The following CNNM2 variants were observed in gnomAD, a reference collection of about 807,000 sequenced individuals.
CNNM2 encodes metal transporter CNNM2.
CNNM2 carries 12 observed loss-of-function variants against 66.9 expected under a neutral mutation model. The observed-to-expected ratio is 0.18, with a 90% CI of 0.11 to 0.29. The LOEUF is 0.29. Ranked by LOEUF, CNNM2 falls within the 10% of genes least tolerant of loss-of-function variation. The pLI, the probability that CNNM2 is intolerant of heterozygous loss-of-function variation, is 1.00. For synonymous variants in CNNM2, 557 were observed against 501.8 expected (o/e 1.11, Z -1.47); for missense variants, 705 against 1,167.7 (o/e 0.60, Z 5.77).
chr10:102,930,333 G>C (rs1047579642), intron 1 of CNNM2, among the ~76,000 whole-genome samples: 2 of 152,118 alleles, frequency 1.3e-5, no homozygotes, highest in Admixed American at 6.5e-5. Context: ...GAAAATAGTT[G>C]ATGTATTAGG....
intron 4 of CNNM2, among the ~76,000 whole-genome samples, chr10:103,059,959 G>GAT (rs2065356853): frequency 6.6e-6 from 1 of 151,968 alleles, no homozygotes; most frequent in Admixed American, 6.6e-5. Context: ...TACAGAGCAA[G>GAT]ATCCCCTTCT....
In CNNM2 at chr10:103,054,348, G is replaced by A; in HGVS notation, c.1785G>A (p.Lys595=). 7 of 1,613,676 alleles carry A rather than the reference G, an allele frequency of 4.3e-6. No homozygotes were observed. Among genetic ancestry groups the A allele is most frequent in the Non-Finnish European group, 5.9e-6 (7 of 1,179,790 alleles). ...TDLYTDNRTK[K]KVAHRERKQD... ...CCTTAGCTGACAACAGAACGAAAAA[G>A]AAAGTGGCTCACCGGGAACGAAAGC... Residue 595 remains lysine (K), a synonymous_variant, in exon 3 of 8, where the codon AAG becomes AAA. Coordinates refer to ENST00000369878, the MANE Select transcript of CNNM2 (RefSeq NM_017649.5). The surrounding 1 kb of genome is among the most constrained non-coding windows in gnomAD (Gnocchi z 5.2).
intron 1 of CNNM2, among the ~76,000 whole-genome samples, chr10:102,922,601 T>C (rs1845689466): frequency 6.6e-6 from 1 of 152,134 alleles, no homozygotes; most frequent in South Asian, 2.1e-4. Flanking sequence ...CAATACCAAT[T>C]GTAACTCCCC....
chr10:102,931,842 T>C (rs542634708), intron 1 of CNNM2, among the ~76,000 whole-genome samples: 17 of 149,412 alleles, frequency 1.1e-4, no homozygotes, highest in African/African-American at 4.0e-4. Context: ...GCACTTGTTA[T>C]TGTTAAAAAA....
Position 102,976,425 on chromosome 10 carries a change from CTTTTTTTTTTTT to C in CNNM2, c.1621+56339_1621+56350del, listed in dbSNP as rs1206577839. Among the ~76,000 whole-genome samples the C allele has an allele frequency of 2.4e-3, 83 of 34,724 alleles. 1 individual carries two copies. Among genetic ancestry groups the C allele is most frequent in the Admixed American group, 0.018 (38 of 2,138 alleles). The allele number at this position is 34,724 out of a possible 152,430, so 22.8% of individuals were successfully genotyped here. ...TTACAGTATCAGTTCCAATTCTTGCCTTTTTTTTTTTTTTTTTTTTTTTTTTGAGATGGAATC... is the reference window on the plus strand; with the variant it reads ...TTACAGTATCAGTTCCAATTCTTGCCTTTTTTTTTTTTTTGAGATGGAATC... On this transcript the variant is annotated intron_variant, in intron 1 of 7. Transcript: ENST00000369878.
chr10:103,069,158 T>C (rs2065531111), intron 5 of CNNM2, among the ~76,000 whole-genome samples: 1 of 152,252 alleles, frequency 6.6e-6, no homozygotes, highest in Non-Finnish European at 1.5e-5. Context: ...GATCACACTA[T>C]TTCCTCTTGC....
intron 1 of CNNM2, among the ~76,000 whole-genome samples, chr10:103,008,778 C>CAAAA (rs35992147): frequency 1.3e-4 from 14 of 105,648 alleles, no homozygotes; most frequent in Non-Finnish European, 1.4e-4. Flanking sequence ...GACCCTGTCT[C>CAAAA]AAAAAAAAAA....
intron 5 of CNNM2, among the ~76,000 whole-genome samples, chr10:103,070,663 G>A (rs1383589537): frequency 6.6e-6 from 1 of 152,214 alleles, no homozygotes; most frequent in Non-Finnish European, 1.5e-5. Context: ...AGAGGATGTG[G>A]TGAGCAGCCC....
At chr10:102,987,420 A>G (rs1222084508) in intron 1 of CNNM2, among the ~76,000 whole-genome samples, 1 of 152,126 alleles carries the variant, frequency 6.6e-6, no homozygotes, top group Non-Finnish European at 1.5e-5. Flanking sequence ...TCCCAGGTTC[A>G]CGCCATTCTC....
At chr10:102,989,908 T>C (rs996483240) in intron 1 of CNNM2, among the ~76,000 whole-genome samples, 6 of 152,056 alleles carry the variant, frequency 3.9e-5, no homozygotes, top group African/African-American at 1.4e-4. Flanking sequence ...AGGTATAATA[T>C]AATAATTATA....
chr10:103,071,784 C>T lies in CNNM2; in HGVS notation c.2178C>T (p.Ser726=), dbSNP rs868268140. 2 of 1,613,734 alleles carry T rather than the reference C, an allele frequency of 1.2e-6. No homozygotes were observed. Among genetic ancestry groups the T allele is most frequent in the Non-Finnish European group, 8.5e-7 (1 of 1,179,824 alleles). ...MALTASPVPL[S]LSRTFVVSRT... ...TTCTCCATTTTTCAGTTCCTTTGTC[C>T]CTGTCTCGTACCTTTGTTGTCAGCA... The change falls in exon 6 of 8, where the codon TCC becomes TCT. Residue 726 remains serine (S), a synonymous_variant. Transcript: ENST00000369878.
chr10:102,927,674 A>G, intron 1 of CNNM2: 1 of 382,100 alleles, frequency 2.6e-6, no homozygotes, highest in Non-Finnish European at 4.8e-6. Context: ...CTGAGACAGG[A>G]GAATCACTTG....
chr10:103,027,255 G>A (rs963913693), intron 1 of CNNM2: 12 of 152,342 alleles, frequency 7.9e-5, no homozygotes, highest in African/African-American at 2.4e-4. Flanking sequence ...CTGCAATGGC[G>A]CTCTGCCCAA....
chr10:102,963,969 AAAG>A (rs1260445777), intron 1 of CNNM2, among the ~76,000 whole-genome samples: 37 of 152,338 alleles, frequency 2.4e-4, no homozygotes, highest in African/African-American at 8.4e-4. Flanking sequence ...GGACTGAAAA[AAAG>A]AGAAACAAAT....
Position 103,042,673 on chromosome 10 carries a change from G to A in CNNM2, c.1622-7034G>A, listed in dbSNP as rs957640324. 6.6e-6 allele frequency among the ~76,000 whole-genome samples: 1 copy of A among 152,040 alleles called. No individual in the cohort carries two copies. Among genetic ancestry groups the A allele is most frequent in the Non-Finnish European group, 1.5e-5 (1 of 68,002 alleles). On this transcript the variant is annotated intron_variant, in intron 1 of 7. Coordinates refer to ENST00000369878, the MANE Select transcript of CNNM2 (RefSeq NM_017649.5). Reference sequence around the variant, plus strand: ...ATTGTTCATAGTTCATTCATAGCCCGGATTTTATGGCTTATATATTATGTT... The same window carrying A: ...ATTGTTCATAGTTCATTCATAGCCCAGATTTTATGGCTTATATATTATGTT...
intron 1 of CNNM2, among the ~76,000 whole-genome samples, chr10:102,980,009 G>A (rs532051908): frequency 6.6e-6 from 1 of 152,062 alleles, no homozygotes; most frequent in Admixed American, 6.5e-5. Flanking sequence ...TGCCTCCTGG[G>A]TTCAAGCCAT....
At chr10:103,064,436 C>T (rs957884811) in intron 4 of CNNM2, among the ~76,000 whole-genome samples, 3 of 152,202 alleles carry the variant, frequency 2.0e-5, no homozygotes, top group Admixed American at 2.0e-4. Context: ...CTATTTCGCC[C>T]AGGCTAGTCT....
intron 4 of CNNM2, 140 bp from the exon 5 acceptor site, chr10:103,068,489 A>G (rs1468990350): frequency 4.1e-6 from 3 of 722,976 alleles, no homozygotes; most frequent in South Asian, 3.2e-5. Flanking sequence ...TCAGTGGGAA[A>G]GATGAGCTGA....
intron 1 of CNNM2, among the ~76,000 whole-genome samples, chr10:102,945,917 A>G (rs1846603231): frequency 6.6e-6 from 1 of 151,182 alleles, no homozygotes; most frequent in Non-Finnish European, 1.5e-5. Flanking sequence ...TGCTCAGTCG[A>G]TATTTGCTTT....
Sources: allele counts gnomAD v4.1 joint callset (sites outside exome capture counted in the v4.1 genomes callset), GRCh38; gene constraint gnomAD v4.1.1; non-coding constraint Gnocchi (gnomAD v3.1); transcripts MANE v1.5; gene names NCBI Gene and HGNC (gene_info 2026-07-23, HGNC 2026-07-21).